Variants in ITM2A observed in about 807,000 individuals in gnomAD.
The protein encoded by ITM2A is BRICHOS domain containing 2A.
A neutral mutation model predicts 16.6 loss-of-function variants in ITM2A; 11 were observed. The observed-to-expected ratio is 0.66, with a 90% CI of 0.42 to 1.10. The LOEUF (loss-of-function observed/expected upper bound fraction) is 1.10, where lower values mean the gene tolerates loss of function less well. ITM2A is among the 50% of genes least tolerant of loss of function. The pLI, the probability that ITM2A is intolerant of heterozygous loss-of-function variation, is 0.00. For synonymous variants in ITM2A, 102 were observed against 71.2 expected (o/e 1.43, Z -2.18); for missense variants, 243 against 206.8 (o/e 1.17, Z -1.07).
Position 79,367,088 on chromosome X carries a change from CG to C in ITM2A, c.111+16del. The C allele has an allele frequency of 2.7e-6, 3 of 1,125,229 alleles. No homozygotes were observed. Among genetic ancestry groups the C allele is most frequent in the Non-Finnish European group, 3.6e-6 (3 of 828,006 alleles). 92.7% of individuals were successfully genotyped at this position (1,125,229 alleles called of 1,213,427 possible). On this transcript the variant is annotated intron_variant, in intron 1 of 5. Coordinates refer to ENST00000373298, the MANE Select transcript of ITM2A (RefSeq NM_004867.5). ...TCTTTCGCCCACCCCTCCCCCATCC[CG>C]CCCTGGGACAGCTACCTTGCCGGTC...
intron 1 of ITM2A, among the ~76,000 whole-genome samples, chrX:79,365,941 G>A (rs780943595): frequency 8.9e-6 from 1 of 112,211 alleles, no homozygotes; most frequent in Non-Finnish European, 1.9e-5. Context: ...CAAATTGTGT[G>A]TACAATCAAC....
intron 4 of ITM2A, among the ~76,000 whole-genome samples, chrX:79,362,267 T>G (rs1925444088): frequency 9.0e-6 from 1 of 111,490 alleles, no homozygotes; most frequent in African/African-American, 3.3e-5. Flanking sequence ...TGATTTGCAT[T>G]TATCTAATGT....
At position 79,361,380 on chromosome X, in the gene ITM2A, G is replaced by T; in HGVS notation, c.652C>A (p.Leu218Ile). The T allele has an allele frequency of 6.6e-6, 8 of 1,209,296 alleles. No individual in the cohort carries two copies. Among genetic ancestry groups the T allele is most frequent in the Non-Finnish European group, 9.0e-6 (8 of 893,238 alleles). The change falls in exon 5 of 6, where the codon CTT becomes ATT. Residue 218 changes from leucine (L) to isoleucine (I), a missense_variant. By Grantham distance (5) the Leu-to-Ile change is conservative. Coordinates refer to ENST00000373298, the MANE Select transcript of ITM2A (RefSeq NM_004867.5). Reference sequence around the variant, plus strand: ...CGGAAGGACTTTCTGTTATTGCAAAGTTGGTAAATAAAGATGCCAAGGTTA... The same window carrying T: ...CGGAAGGACTTTCTGTTATTGCAAATTTGGTAAATAAAGATGCCAAGGTTA... Reference protein sequence around the residue: ...VSNLGIFIYQLCNNRKSFRLR... With the variant: ...VSNLGIFIYQICNNRKSFRLR...
At chrX:79,361,862 ATTTT>A (rs77763322) in intron 4 of ITM2A, among the ~76,000 whole-genome samples, 4 of 91,460 alleles carry the variant, frequency 4.4e-5, no homozygotes, top group Non-Finnish European at 8.6e-5. Flanking sequence ...TTTTTTTGTG[ATTTT>A]TTTTTTTTTT....
intron 1 of ITM2A, 59 bp downstream of exon 1, chrX:79,367,046 C>T: frequency 1.2e-6 from 1 of 843,458 alleles, no homozygotes; most frequent in South Asian, 2.3e-5. Flanking sequence ...ATTTTCTCCT[C>T]TGCTACCAGC....
chrX:79,363,499 G>A lies in ITM2A; in HGVS notation c.167C>T (p.Thr56Ile), dbSNP rs1260637713. 1.7e-6 allele frequency: 2 copies of A among 1,187,834 alleles called. No individual in the cohort carries two copies. The highest frequency in any genetic ancestry group is 2.3e-6 in the Non-Finnish European group (2 of 878,449). ...KEGSSGRCMLTLLGLSFILAG... is the reference protein window; with the variant it reads ...KEGSSGRCMLILLGLSFILAG... ...CAAGATGAATGAAAGGCCTAAGAGA[G>A]TAAGCATACATCTCCCAGAGGAGCC... Residue 56 changes from threonine to isoleucine, a missense_variant, in exon 2 of 6, where the codon ACT becomes ATT. By Grantham distance (89) the Thr-to-Ile change is moderately conservative. Coordinates refer to ENST00000373298, the MANE Select transcript of ITM2A (RefSeq NM_004867.5).
Position 79,361,159 on chromosome X carries a change from A to G in ITM2A, c.722T>C (p.Ile241Thr), listed in dbSNP as rs1925402661. Reference protein sequence around the residue: ...DLLLGFNKRAIDKCWKIRHFP... With the variant: ...DLLLGFNKRATDKCWKIRHFP... Reference sequence around the variant, plus strand: ...GTGTCTAATCTTCCAGCATTTATCAATGGCACGTTTGTTGAAACCTGTAAG... The same window carrying G: ...GTGTCTAATCTTCCAGCATTTATCAGTGGCACGTTTGTTGAAACCTGTAAG... The change falls in exon 6 of 6, where the codon ATT (isoleucine) becomes ACT (threonine). Residue 241 changes from isoleucine (I) to threonine (T), a missense_variant. Physicochemically the swap from Ile to Thr is moderately conservative, Grantham distance 89 (BLOSUM62 -1). Coordinates refer to ENST00000373298, the MANE Select transcript of ITM2A (RefSeq NM_004867.5). 8.3e-7 allele frequency: 1 copy of G among 1,200,685 alleles called. No individual in the cohort carries two copies. Among genetic ancestry groups the G allele is most frequent in the Non-Finnish European group, 1.1e-6 (1 of 888,488 alleles).
intron 1 of ITM2A, among the ~76,000 whole-genome samples, chrX:79,366,568 CTGCTTGGAGTTAAAAG>C (rs1925581376): frequency 1.8e-5 from 2 of 111,416 alleles, no homozygotes; most frequent in African/African-American, 6.5e-5. Context: ...CCAACCCATA[CTGCTTGGAGTTAAAAG>C]TGCCCTTTGC....
chrX:79,366,642 T>C (rs1240166657), intron 1 of ITM2A, among the ~76,000 whole-genome samples: 1 of 111,205 alleles, frequency 9.0e-6, no homozygotes, highest in African/African-American at 3.3e-5. Flanking sequence ...AAAGATTTAG[T>C]CTTAGAACTT....
At position 79,361,416 on chromosome X, in the gene ITM2A, G is replaced by A. The variant is rs759552531; in HGVS notation, c.616C>T (p.Arg206Cys). ...REDLVAVEEIRDVSNLGIFIY... is the reference protein window; with the variant it reads ...REDLVAVEEICDVSNLGIFIY... Reference sequence around the variant, plus strand: ...AAGATGCCAAGGTTACTAACATCACGAATTTCCTCCACAGCAACTAGGTCT... The same window carrying A: ...AAGATGCCAAGGTTACTAACATCACAAATTTCCTCCACAGCAACTAGGTCT... The change falls in exon 5 of 6, where the codon CGT (arginine) becomes TGT (cysteine). Residue 206 changes from arginine (R) to cysteine (C), a missense_variant. Arg to Cys is a radical substitution (Grantham distance 180). Coordinates refer to ENST00000373298, the MANE Select transcript of ITM2A (RefSeq NM_004867.5). 46 of 1,204,557 alleles carry A rather than the reference G, an allele frequency of 3.8e-5. No homozygotes were observed. Among genetic ancestry groups the A allele is most frequent in the African/African-American group, 7.0e-5 (4 of 57,238 alleles).
In ITM2A at chrX:79,361,428, C is replaced by A. The variant is rs374161293; in HGVS notation, c.604G>T (p.Val202Leu). 8.3e-7 allele frequency: 1 copy of A among 1,206,942 alleles called. No individual in the cohort carries two copies. Among genetic ancestry groups the A allele is most frequent in the Non-Finnish European group, 1.1e-6 (1 of 890,962 alleles). The change falls in exon 5 of 6, where the codon GTG becomes TTG. Residue 202 changes from valine (V) to leucine (L), a missense_variant. Transcript: ENST00000373298. ...TTACTAACATCACGAATTTCCTCCA[C>A]AGCAACTAGGTCTTCTCGAACCACA... Reference protein sequence around the residue: ...TYVVREDLVAVEEIRDVSNLG... With the variant: ...TYVVREDLVALEEIRDVSNLG...
intron 1 of ITM2A, chrX:79,366,846 C>T: frequency 6.1e-6 from 2 of 327,818 alleles, no homozygotes; most frequent in Non-Finnish European, 5.3e-6. Flanking sequence ...TCTCCTCAAA[C>T]TCTCTCTGAC....
chrX:79,361,288 G>A (rs773823492), intron 5 of ITM2A, 41 bp downstream of exon 5: 44 of 1,163,789 alleles, frequency 3.8e-5, no homozygotes, highest in Non-Finnish European at 5.1e-5. Context: ...TTCTTCCACT[G>A]TGTAACACAG....
At position 79,360,933 on chromosome X, in the gene ITM2A, G is replaced by T. The variant is rs1388634848; in HGVS notation, c.*156C>A. 1.1e-5 allele frequency: 3 copies of T among 274,543 alleles called. No individual in the cohort carries two copies. In the Admixed American group the frequency reaches 2.3e-4, roughly 21 times the overall value. The allele number at this position is 274,543 out of a possible 1,213,427, so 22.6% of individuals were successfully genotyped here. A position where few individuals can be genotyped will look rare whatever the true frequency, so the allele number is the denominator to read the frequency against. ...TTAAACTAAAATTTGACAAGAGCTT[G>T]CAGTGGTTAGTAGTTTTTTTTTTTC... is the stretch of plus-strand genomic sequence containing the variant. On this transcript the variant is annotated 3_prime_UTR_variant, in exon 6 of 6. Transcript: ENST00000373298.
chrX:79,367,081 C>A, intron 1 of ITM2A, 24 bp downstream of exon 1: 2 of 1,069,051 alleles, frequency 1.9e-6, no homozygotes, highest in South Asian at 2.0e-5. Flanking sequence ...CCACCCCTCC[C>A]CCATCCCGCC....
At chrX:79,366,706 C>T in intron 1 of ITM2A, among the ~76,000 whole-genome samples, 1 of 111,751 alleles carries the variant, frequency 8.9e-6, no homozygotes. Context: ...CTTGCTCACC[C>T]CCCTGTGTCC....
At chrX:79,362,526 G>T in intron 4 of ITM2A, 55 bp downstream of exon 4, 1 of 588,400 alleles carries the variant, frequency 1.7e-6, no homozygotes, top group Non-Finnish European at 2.7e-6. Context: ...AAAAAACAAG[G>T]AAGTAAAATT....
rs746656914 is a variant in ITM2A, at chrX:79,362,642, G to A, written c.491C>T (p.Pro164Leu). 2.5e-6 allele frequency: 3 copies of A among 1,205,160 alleles called. No homozygotes were observed. The African/African-American group carries it at 5.3e-5, about 21-fold the overall frequency. ...AGGCATAACAATAGAAGTATTGAGG[G>A]GCATCAGATAGCAGTTCCCCAGCAA... ...DLLLGNCYLM[P>L]LNTSIVMPPK... is the part of the protein sequence containing the mutation. Residue 164 changes from proline to leucine, a missense_variant, in exon 4 of 6, where the codon CCC becomes CTC. Physicochemically the swap from Pro to Leu is moderately conservative, Grantham distance 98. Transcript: ENST00000373298.
chrX:79,362,744 G>A lies in ITM2A; in HGVS notation c.442-53C>T, dbSNP rs1340528538. ...AAGACACAGAAGGCATTAACATTGC[G>A]AATTTTCCAACTACCATTAGATTAA... On this transcript the variant is annotated intron_variant, in intron 3 of 5. Coordinates refer to ENST00000373298, the MANE Select transcript of ITM2A (RefSeq NM_004867.5). The A allele has an allele frequency of 4.3e-5, 38 of 883,723 alleles. No homozygotes were observed. The Middle Eastern group carries it at 8.1e-4, about 19-fold the overall frequency. The allele number at this position is 883,723 out of a possible 1,213,427, so 72.8% of individuals were successfully genotyped here.
Sources: gnomAD v4.1 joint callset for allele counts (sites outside exome capture counted in the v4.1 genomes callset) on GRCh38, gnomAD v4.1.1 for gene constraint, MANE v1.5 for transcripts, NCBI Gene and HGNC (gene_info 2026-07-23, HGNC 2026-07-21) for gene names.